Variants in SPATA13 observed in about 807,000 individuals in gnomAD.
SPATA13 encodes the protein spermatogenesis associated 13, also known as spermatogenesis-associated protein 13.
Under a neutral mutation model 104.0 loss-of-function variants are expected in SPATA13, and 50 were observed. The ratio of observed to expected loss-of-function variants is 0.48; its 90% CI spans 0.38 to 0.61. The LOEUF (loss-of-function observed/expected upper bound fraction) is 0.61, where lower values mean the gene tolerates loss of function less well. Ranked by LOEUF, SPATA13 falls within the 20% of genes least tolerant of loss-of-function variation. SPATA13 has a pLI of 0.00. For synonymous variants in SPATA13, 606 were observed against 667.5 expected (o/e 0.91, Z 1.42); for missense variants, 1,524 against 1,690.6 (o/e 0.90, Z 1.73).
intron 3 of SPATA13, among the ~76,000 whole-genome samples, chr13:24,081,732 C>T (rs536534478): frequency 6.6e-6 from 1 of 152,208 alleles, no homozygotes; most frequent in Non-Finnish European, 1.5e-5. Context: ...AAAAATTGCA[C>T]ACTATGTTTT....
chr13:24,256,782 T>C (rs1873811318), intron 4 of SPATA13, among the ~76,000 whole-genome samples: 1 of 152,212 alleles, frequency 6.6e-6, no homozygotes, highest in Non-Finnish European at 1.5e-5. Context: ...ACTGGGTGTG[T>C]TATTTGGGAT....
chr13:23,992,172 G>A (rs149804146), intron 2 of SPATA13, among the ~76,000 whole-genome samples: 197 of 152,292 alleles, frequency 1.3e-3, no homozygotes, highest in Non-Finnish European at 2.1e-3. Context: ...AGAAAGTGGA[G>A]AACTGCAGTC....
chr13:24,267,981 A>C (rs1297631570), intron 4 of SPATA13, among the ~76,000 whole-genome samples: 1 of 152,266 alleles, frequency 6.6e-6, no homozygotes, highest in African/African-American at 2.4e-5. Flanking sequence ...GGCAGGGCCC[A>C]GGAATCTGAA....
chr13:24,265,228 G>A (rs1874245625), intron 4 of SPATA13, among the ~76,000 whole-genome samples: 1 of 152,166 alleles, frequency 6.6e-6, no homozygotes, highest in Non-Finnish European at 1.5e-5. Flanking sequence ...CCTGAACTGA[G>A]CCTGCCTTTG....
intron 3 of SPATA13, among the ~76,000 whole-genome samples, chr13:24,022,538 C>CAAA (rs1044258331): frequency 2.0e-5 from 3 of 152,128 alleles, no homozygotes; most frequent in African/African-American, 7.2e-5. Context: ...TGATCTCTTA[C>CAAA]AAAATAGTGT....
intron 2 of SPATA13, among the ~76,000 whole-genome samples, chr13:23,997,290 C>T (rs1240422734): frequency 6.6e-6 from 1 of 152,120 alleles, no homozygotes; most frequent in Non-Finnish European, 1.5e-5. Context: ...CAATCAAAAC[C>T]ATGTCCATAT....
chr13:24,079,551 C>T (rs929086886), intron 3 of SPATA13, among the ~76,000 whole-genome samples: 1 of 152,116 alleles, frequency 6.6e-6, no homozygotes, highest in Admixed American at 6.5e-5. Context: ...CTGATGATCC[C>T]GACCTGAGAC....
At chr13:23,991,903 G>T (rs1434457322) in intron 2 of SPATA13, among the ~76,000 whole-genome samples, 1 of 152,142 alleles carries the variant, frequency 6.6e-6, no homozygotes, top group Non-Finnish European at 1.5e-5. Context: ...TCAGGCTTTG[G>T]TATAGTGCAA....
Position 24,303,218 on chromosome 13 carries a change from G to GAC in SPATA13, c.*449_*450dup, listed in dbSNP as rs1380493530. 2.4e-6 allele frequency: 1 copy of GAC among 425,258 alleles called. No homozygotes were observed. The highest frequency in any genetic ancestry group is 4.7e-6 in the Non-Finnish European group (1 of 212,880). The allele number at this position is 425,258 out of a possible 1,614,324, so 26.3% of individuals were successfully genotyped here. A position where few individuals can be genotyped will look rare whatever the true frequency, so the allele number is the denominator to read the frequency against. Reference sequence around the variant, plus strand: ...TCAAGGATGCCGTCAAGACGGGGTTGACACAATGCTGCACGTGTCTGGTCA... The same window carrying GAC: ...TCAAGGATGCCGTCAAGACGGGGTTGACACACAATGCTGCACGTGTCTGGTCA... On this transcript the variant is annotated 3_prime_UTR_variant, in exon 13 of 13. Coordinates refer to ENST00000382108, the MANE Select transcript of SPATA13 (RefSeq NM_001166271.3).
At chr13:24,102,837 T>A (rs1398711670) in intron 3 of SPATA13, among the ~76,000 whole-genome samples, 1 of 152,234 alleles carries the variant, frequency 6.6e-6, no homozygotes, top group Non-Finnish European at 1.5e-5. Context: ...TTGTTGCCGA[T>A]GGTTTTGGTG....
At chr13:24,233,603 T>C (rs1351811739) in intron 2 of SPATA13, among the ~76,000 whole-genome samples, 1 of 152,180 alleles carries the variant, frequency 6.6e-6, no homozygotes, top group Non-Finnish European at 1.5e-5. Context: ...ACTTTAACAA[T>C]GGAATCATTT....
intron 3 of SPATA13, among the ~76,000 whole-genome samples, chr13:24,136,484 AAG>A (rs1881572424): frequency 6.6e-6 from 1 of 152,142 alleles, no homozygotes; most frequent in South Asian, 2.1e-4. Context: ...CAAAAAAAGA[AAG>A]AGAAGAAAGA....
At chr13:24,181,619 G>C (rs1868813214) in intron 1 of SPATA13, among the ~76,000 whole-genome samples, 1 of 152,032 alleles carries the variant, frequency 6.6e-6, no homozygotes, top group Non-Finnish European at 1.5e-5. Flanking sequence ...CCATATCACT[G>C]TCTACCACCT....
intron 4 of SPATA13, among the ~76,000 whole-genome samples, chr13:24,265,942 C>T (rs1014572853): frequency 2.0e-5 from 3 of 152,072 alleles, no homozygotes; most frequent in Non-Finnish European, 4.4e-5. Flanking sequence ...GCACTTAATT[C>T]GGAGGTGATC....
intron 3 of SPATA13, among the ~76,000 whole-genome samples, chr13:24,093,286 T>C (rs1339916961): frequency 6.6e-6 from 1 of 152,250 alleles, no homozygotes; most frequent in Non-Finnish European, 1.5e-5. Flanking sequence ...TCATCCTTCC[T>C]GAATAGAATA....
intron 4 of SPATA13, among the ~76,000 whole-genome samples, chr13:24,269,708 A>G (rs1421916264): frequency 6.7e-6 from 1 of 148,822 alleles, no homozygotes; most frequent in Admixed American, 6.8e-5. Context: ...AGCTGGGACC[A>G]CAGGCACATG....
intron 3 of SPATA13, among the ~76,000 whole-genome samples, chr13:24,063,059 T>C (rs566808394): frequency 6.6e-6 from 1 of 152,066 alleles, no homozygotes; most frequent in East Asian, 1.9e-4. Flanking sequence ...TCCCTGGGAT[T>C]GGCCTCGGGG....
intron 2 of SPATA13, among the ~76,000 whole-genome samples, chr13:24,235,012 A>C (rs1872498552): frequency 6.6e-6 from 1 of 152,254 alleles, no homozygotes; most frequent in Admixed American, 6.5e-5. Flanking sequence ...GAAATAATGC[A>C]TGTATGGTAC....
chr13:24,089,660 G>A (rs563832560), intron 3 of SPATA13, among the ~76,000 whole-genome samples: 32 of 152,306 alleles, frequency 2.1e-4, no homozygotes, highest in Non-Finnish European at 2.6e-4. Context: ...CAGTCCATGC[G>A]ATATTTGAAT....
Sources: gnomAD v4.1 joint callset for allele counts (sites outside exome capture counted in the v4.1 genomes callset) on GRCh38, gnomAD v4.1.1 for gene constraint, MANE v1.5 for transcripts, NCBI Gene and HGNC (gene_info 2026-07-23, HGNC 2026-07-21) for gene names.